Variants in KSR1 observed in about 807,000 individuals in gnomAD.
The protein encoded by KSR1 is kinase suppressor of ras.
A neutral mutation model predicts 92.9 loss-of-function variants in KSR1; 35 were observed. The observed-to-expected ratio is 0.38, with a 90% CI of 0.29 to 0.50. KSR1 has a LOEUF of 0.50. KSR1 is among the 20% of genes least tolerant of loss of function. The probability of loss-of-function intolerance (pLI) is 0.94; values close to 1 mark genes in which losing one functional copy is unlikely to be tolerated. For missense variants in KSR1, 972 were observed against 1,158.5 expected, an observed-to-expected ratio of 0.84 and a Z score of 2.34; for synonymous variants, 467 against 472.6, an observed-to-expected ratio of 0.99 and a Z score of 0.15.
intron 1 of KSR1, among the ~76,000 whole-genome samples, chr17:27,504,055 G>A (rs2069288356): frequency 1.3e-5 from 2 of 152,236 alleles, no homozygotes; most frequent in Non-Finnish European, 2.9e-5. Context: ...CAAGCATCCA[G>A]TATTTTATGG....
intron 15 of KSR1, among the ~76,000 whole-genome samples, chr17:27,608,457 C>A (rs553120327): frequency 6.6e-6 from 1 of 152,302 alleles, no homozygotes; most frequent in South Asian, 2.1e-4. Context: ...TTGAAGACAG[C>A]TTGACCTTGG....
chr17:27,601,592 G>T (rs555636385), intron 11 of KSR1, among the ~76,000 whole-genome samples, 191 bp downstream of exon 11: 1 of 152,210 alleles, frequency 6.6e-6, no homozygotes, highest in Admixed American at 6.5e-5. Context: ...GGCCTCTTAC[G>T]TGAGAAGTTC....
chr17:27,533,209 C>T (rs935588092), intron 1 of KSR1, among the ~76,000 whole-genome samples: 3 of 152,126 alleles, frequency 2.0e-5, no homozygotes, highest in African/African-American at 7.2e-5. Flanking sequence ...CCTCAGTTTA[C>T]GCCTCTGTAC....
At chr17:27,609,971 G>A in intron 16 of KSR1, 96 bp from the exon 17 acceptor site, 1 of 1,497,246 alleles carries the variant, frequency 6.7e-7, no homozygotes, top group Non-Finnish European at 9.1e-7. Context: ...GCTGTGTGTG[G>A]GTGTTCTGCC....
rs115216803 is a variant in KSR1 at position 27,499,595 on chromosome 17, C to A, written c.231+42721C>A. 4.6e-3 allele frequency among the ~76,000 whole-genome samples: 699 copies of A among 152,302 alleles called. 6 individuals are homozygous for A. Among genetic ancestry groups the A allele is most frequent in the African/African-American group, 0.016 (664 of 41,560 alleles). On this transcript the variant is annotated intron_variant, in intron 1 of 20. Transcript: ENST00000644974. ...CAAAGTGATGGCCCCTTCCTATTTT[C>A]AGAACAAGGTGTGCCAGGCTAGCCA...
intron 9 of KSR1, among the ~76,000 whole-genome samples, chr17:27,596,803 T>C (rs1021096528): frequency 1.3e-5 from 2 of 152,218 alleles, no homozygotes; most frequent in Non-Finnish European, 2.9e-5. Context: ...AGCCTGAACT[T>C]AATTCATTAT....
chr17:27,581,132 C>T (rs2072735621), intron 3 of KSR1, among the ~76,000 whole-genome samples: 1 of 152,032 alleles, frequency 6.6e-6, no homozygotes, highest in Non-Finnish European at 1.5e-5. Flanking sequence ...TAGCGGAAGG[C>T]AAGGGGGAGT....
chr17:27,621,906 C>G, intron 20 of KSR1: 1 of 1,613,338 alleles, frequency 6.2e-7, no homozygotes, highest in Non-Finnish European at 8.5e-7. Context: ...CTGTTCTTTG[C>G]TTTCTTCTCT....
chr17:27,588,943 C>G (rs1015122665), intron 6 of KSR1, among the ~76,000 whole-genome samples: 1 of 152,164 alleles, frequency 6.6e-6, no homozygotes, highest in Non-Finnish European at 1.5e-5. Flanking sequence ...TTCCCGGGCT[C>G]CACCCCTAAG....
chr17:27,516,575 A>G (rs1230203823), intron 1 of KSR1, among the ~76,000 whole-genome samples: 1 of 149,762 alleles, frequency 6.7e-6, no homozygotes, highest in Non-Finnish European at 1.5e-5. Flanking sequence ...ATATCTGATT[A>G]CAAGAGTAAT....
intron 9 of KSR1, 103 bp downstream of exon 9, chr17:27,592,729 C>G: frequency 3.3e-6 from 3 of 903,202 alleles, no homozygotes; most frequent in Non-Finnish European, 5.0e-6. Context: ...GGCATGACAC[C>G]ACCGTCTCAG....
At chr17:27,556,249 C>G (rs544375997) in intron 2 of KSR1, among the ~76,000 whole-genome samples, 6 of 152,216 alleles carry the variant, frequency 3.9e-5, no homozygotes, top group African/African-American at 1.4e-4. Flanking sequence ...GGGTCTCGCT[C>G]TGTTGCCCAG....
At chr17:27,557,687 C>G (rs1351188603) in intron 2 of KSR1, among the ~76,000 whole-genome samples, 4 of 152,228 alleles carry the variant, frequency 2.6e-5, no homozygotes, top group Non-Finnish European at 5.9e-5. Flanking sequence ...CCTCAGATGG[C>G]TGCTGCTTCT....
At chr17:27,508,378 C>G (rs908330365) in intron 1 of KSR1, among the ~76,000 whole-genome samples, 1 of 152,166 alleles carries the variant, frequency 6.6e-6, no homozygotes, top group African/African-American at 2.4e-5. Context: ...CCTCTGAATC[C>G]TCCCACTGAC....
chr17:27,530,407 C>T (rs749410332), intron 1 of KSR1, among the ~76,000 whole-genome samples: 29 of 151,808 alleles, frequency 1.9e-4, no homozygotes, highest in Non-Finnish European at 4.0e-4. Flanking sequence ...ATTACACCAC[C>T]GCACTCCAGC....
chr17:27,605,230 G>A (rs531230360), intron 13 of KSR1, among the ~76,000 whole-genome samples: 57 of 152,348 alleles, frequency 3.7e-4, no homozygotes, highest in African/African-American at 1.3e-3. Flanking sequence ...GGGGCCAGCC[G>A]CCACATATTG....
chr17:27,518,920 G>T (rs1004782970), intron 1 of KSR1, among the ~76,000 whole-genome samples: 2 of 152,184 alleles, frequency 1.3e-5, no homozygotes, highest in Non-Finnish European at 2.9e-5. Context: ...TAGGATGTGT[G>T]CATCATTAGC....
chr17:27,603,324 G>A (rs1417358614), intron 11 of KSR1, among the ~76,000 whole-genome samples: 1 of 152,248 alleles, frequency 6.6e-6, no homozygotes, highest in Non-Finnish European at 1.5e-5. Flanking sequence ...GAAATTCCCA[G>A]CAACTGTATC....
At chr17:27,531,269 A>C (rs2070525405) in intron 1 of KSR1, among the ~76,000 whole-genome samples, 1 of 152,252 alleles carries the variant, frequency 6.6e-6, no homozygotes, top group Non-Finnish European at 1.5e-5. Context: ...GGCTGTGCAC[A>C]AAGGTGCAGA....
Sources: allele counts gnomAD v4.1 joint callset (sites outside exome capture counted in the v4.1 genomes callset), GRCh38; gene constraint gnomAD v4.1.1; transcripts MANE v1.5; gene names NCBI Gene and HGNC (gene_info 2026-07-23, HGNC 2026-07-21).